The following XRCC4 variants were observed in gnomAD, a reference collection of about 807,000 sequenced individuals.
XRCC4 encodes DNA repair protein XRCC4.
Under a neutral mutation model 39.1 loss-of-function variants are expected in XRCC4, and 28 were observed. The observed-to-expected ratio is 0.72, with a 90% confidence interval of 0.53 to 0.98. The LOEUF (loss-of-function observed/expected upper bound fraction) is 0.98, where lower values mean the gene tolerates loss of function less well. Ranked by LOEUF, XRCC4 falls within the 50% of genes least tolerant of loss-of-function variation. The probability of loss-of-function intolerance (pLI) is 0.00; values close to 1 mark genes in which losing one functional copy is unlikely to be tolerated. For missense variants in XRCC4, 350 were observed against 376.4 expected, an observed-to-expected ratio of 0.93 and a Z score of 0.58; for synonymous variants, 123 against 126.4, an observed-to-expected ratio of 0.97 and a Z score of 0.18.
At chr5:83,275,559 TGCTGGGATTACA>T (rs1470398435) in intron 7 of XRCC4, among the ~76,000 whole-genome samples, 12 of 152,252 alleles carry the variant, frequency 7.9e-5, no homozygotes, top group African/African-American at 2.6e-4. Context: ...CCTCCCAAAG[TGCTGGGATTACA>T]GGCGTGAGCC....
chr5:83,097,821 T>C (rs1341836093), intron 1 of XRCC4, among the ~76,000 whole-genome samples: 1 of 152,142 alleles, frequency 6.6e-6, no homozygotes, highest in Non-Finnish European at 1.5e-5. Flanking sequence ...CTAGAAAGTT[T>C]CCAAAATGAT....
chr5:83,253,746 G>C (rs1177803773), intron 6 of XRCC4, among the ~76,000 whole-genome samples: 1 of 152,162 alleles, frequency 6.6e-6, no homozygotes, highest in Non-Finnish European at 1.5e-5. Flanking sequence ...TTCTTGGTCA[G>C]AGGCTGAAGT....
At chr5:83,164,208 T>A (rs1397688945) in intron 3 of XRCC4, among the ~76,000 whole-genome samples, 3 of 152,166 alleles carry the variant, frequency 2.0e-5, no homozygotes, top group African/African-American at 7.2e-5. Context: ...CTCACTATCT[T>A]AAATTACCAT....
chr5:83,231,101 G>T (rs1018806124), intron 6 of XRCC4, among the ~76,000 whole-genome samples: 1 of 151,954 alleles, frequency 6.6e-6, no homozygotes, highest in African/African-American at 2.4e-5. Flanking sequence ...TAGTGGAAAA[G>T]ATTTAGACTG....
intron 6 of XRCC4, among the ~76,000 whole-genome samples, chr5:83,215,000 CTT>C (rs1211251655): frequency 2.0e-5 from 3 of 151,864 alleles, no homozygotes. Context: ...TTAAAGAAGA[CTT>C]AAGTAAATGG....
chr5:83,338,782 A>G (rs888033066), intron 7 of XRCC4, among the ~76,000 whole-genome samples: 1 of 152,328 alleles, frequency 6.6e-6, no homozygotes, highest in East Asian at 1.9e-4. Context: ...GGGAAAATGT[A>G]TATAGTGTGT....
chr5:83,270,319 C>T (rs1007316507), intron 7 of XRCC4, among the ~76,000 whole-genome samples: 1 of 152,200 alleles, frequency 6.6e-6, no homozygotes. Flanking sequence ...CTGGTCTATA[C>T]AGCAACTAAA....
chr5:83,288,059 C>T (rs1392546235), intron 7 of XRCC4, among the ~76,000 whole-genome samples: 1 of 151,712 alleles, frequency 6.6e-6, no homozygotes, highest in Non-Finnish European at 1.5e-5. Context: ...TATTAATCTC[C>T]AAATATTTTG....
chr5:83,359,405 T>G, the XRCC4 span, among the ~76,000 whole-genome samples: 1 of 152,066 alleles, frequency 6.6e-6, no homozygotes, highest in Non-Finnish European at 1.5e-5. Context: ...CTAACTTGAG[T>G]TCTTGGCCTG....
chr5:83,308,340 G>A (rs532452217), intron 7 of XRCC4, among the ~76,000 whole-genome samples: 1 of 152,248 alleles, frequency 6.6e-6, no homozygotes, highest in East Asian at 1.9e-4. Context: ...CATGGATGGA[G>A]AGAAATAATA....
At chr5:83,254,154 CA>C (rs796369177) in intron 6 of XRCC4, among the ~76,000 whole-genome samples, 5 of 137,148 alleles carry the variant, frequency 3.6e-5, no homozygotes, top group Admixed American at 7.4e-5. Context: ...GTTGTCGTGA[CA>C]AAAAAAAATG....
intron 7 of XRCC4, among the ~76,000 whole-genome samples, chr5:83,277,928 TAAAG>T (rs910432248): frequency 2.6e-5 from 4 of 152,234 alleles, no homozygotes; most frequent in African/African-American, 7.2e-5. Context: ...TCTTGTTTAA[TAAAG>T]AAAACAATAT....
rs747802565 is a variant in XRCC4, at chr5:83,353,241, AAC to A, written c.*1_*2del. On this transcript the variant is annotated stop_retained_variant and 3_prime_UTR_variant, in exon 8 of 8. Transcript: ENST00000396027. ...CCAGAAGACCTCTTTGATGAGATTT[AAC>A]AGTCTCAAAAAATACTTTGATGTTC... 3 of 1,585,606 alleles carry A rather than the reference AAC, an allele frequency of 1.9e-6. No homozygotes were observed. Among genetic ancestry groups the A allele is most frequent in the Non-Finnish European group, 2.6e-6 (3 of 1,166,144 alleles).
chr5:83,253,168 A>G (rs1323294319), intron 6 of XRCC4, among the ~76,000 whole-genome samples: 1 of 152,190 alleles, frequency 6.6e-6, no homozygotes, highest in Non-Finnish European at 1.5e-5. Flanking sequence ...AGTACAGAAC[A>G]AAAGTAAAGG....
intron 6 of XRCC4, among the ~76,000 whole-genome samples, chr5:83,251,113 C>T (rs1753290807): frequency 6.6e-6 from 1 of 152,154 alleles, no homozygotes; most frequent in African/African-American, 2.4e-5. Flanking sequence ...TAATATTTGC[C>T]TCTGCATAGA....
chr5:83,228,229 A>G (rs940383524), intron 6 of XRCC4, among the ~76,000 whole-genome samples: 2 of 151,992 alleles, frequency 1.3e-5, no homozygotes, highest in African/African-American at 4.8e-5. Flanking sequence ...AACATATAAC[A>G]ATCTTTACAA....
chr5:83,127,380 C>G (rs993558365), intron 3 of XRCC4, among the ~76,000 whole-genome samples: 14 of 152,042 alleles, frequency 9.2e-5, no homozygotes, highest in African/African-American at 3.4e-4. Context: ...TTCCCACATA[C>G]TGTTTTGTGG....
At chr5:83,280,354 A>G in intron 7 of XRCC4, 1 of 484,938 alleles carries the variant, frequency 2.1e-6, no homozygotes, top group Admixed American at 3.4e-5. Context: ...TAGATCATGC[A>G]TTTCCTTCAT....
chr5:83,079,727 G>A (rs768516383), intron 1 of XRCC4, among the ~76,000 whole-genome samples: 1 of 151,904 alleles, frequency 6.6e-6, no homozygotes, highest in Admixed American at 6.6e-5. Context: ...TAGAGACAGG[G>A]CTCACTATGT....
Sources: allele counts gnomAD v4.1 joint callset (sites outside exome capture counted in the v4.1 genomes callset), GRCh38; gene constraint gnomAD v4.1.1; transcripts MANE v1.5; gene names NCBI Gene and HGNC (gene_info 2026-07-23, HGNC 2026-07-21).